Variants in TRRAP observed in about 807,000 individuals in gnomAD.
The protein encoded by TRRAP is transformation/transcription domain-associated protein.
Under a neutral mutation model 438.8 loss-of-function variants are expected in TRRAP, and 41 were observed. The ratio of observed to expected loss-of-function variants is 0.09; its 90% CI spans 0.07 to 0.12. The LOEUF is 0.12. Ranked by LOEUF, TRRAP falls within the 10% of genes least tolerant of loss-of-function variation. The pLI is 1.00. For missense variants in TRRAP, 3,122 were observed against 5,055.1 expected (o/e 0.62, Z 11.60); for synonymous variants, 1,994 against 1,962.9 (o/e 1.02, Z -0.42).
chr7:98,965,473 C>A (rs1055747509), intron 48 of TRRAP, among the ~76,000 whole-genome samples: 1 of 152,132 alleles, frequency 6.6e-6, no homozygotes, highest in African/African-American at 2.4e-5. Context: ...GAGCCACCTG[C>A]ACTGGTCCGT....
In TRRAP at chr7:98,901,826, G is replaced by A. The variant is rs530329705; in HGVS notation, c.897+1106G>A. ...AGCCTCCCATGGTGCTGGGATTACC[G>A]GCATGAGCCAGGCCTAAAAACAGCG... is the stretch of plus-strand genomic sequence containing the variant. On this transcript the variant is annotated intron_variant, in intron 11 of 72. Coordinates refer to ENST00000456197, the MANE Select transcript of TRRAP (RefSeq NM_001375524.1). 8.5e-5 allele frequency among the ~76,000 whole-genome samples: 13 copies of A among 152,278 alleles called. No homozygotes were observed. The East Asian group carries it at 1.9e-3, about 23-fold the overall frequency.
chr7:99,009,991 G>A (rs1458897253), intron 70 of TRRAP, among the ~76,000 whole-genome samples: 1 of 148,494 alleles, frequency 6.7e-6, no homozygotes, highest in Non-Finnish European at 1.5e-5. Flanking sequence ...GGGTTCAAGC[G>A]ATTCTTCTGC....
At chr7:98,989,366 T>C (rs1255959020) in intron 63 of TRRAP, among the ~76,000 whole-genome samples, 1 of 152,214 alleles carries the variant, frequency 6.6e-6, no homozygotes, top group African/African-American at 2.4e-5. Flanking sequence ...GGTTGTGGGT[T>C]TCTCTCTGCA....
chr7:98,925,080 C>T (rs1789987770), intron 21 of TRRAP, 32 bp from the exon 22 acceptor site: 2 of 1,582,566 alleles, frequency 1.3e-6, no homozygotes, highest in African/African-American at 1.4e-5. Context: ...AATTTCAGCA[C>T]AAACTGTAGT....
At chr7:98,890,781 CT>C (rs71118642) in intron 4 of TRRAP, among the ~76,000 whole-genome samples, 995 of 53,106 alleles carry the variant, frequency 0.019, 5 homozygotes, top group Non-Finnish European at 0.032. Flanking sequence ...AATGTCAGTT[CT>C]TTTTTTTTTT....
intron 63 of TRRAP, among the ~76,000 whole-genome samples, chr7:98,989,927 C>A (rs1793316155): frequency 6.6e-6 from 1 of 152,168 alleles, no homozygotes; most frequent in South Asian, 2.1e-4. Flanking sequence ...GAGTAATTGT[C>A]ATTAAAACTA....
At chr7:98,998,200 GT>G (rs1269661219) in intron 67 of TRRAP, among the ~76,000 whole-genome samples, 1 of 152,192 alleles carries the variant, frequency 6.6e-6, no homozygotes, top group Admixed American at 6.5e-5. Flanking sequence ...AGGGCTCTAA[GT>G]TTAACTCTTG....
intron 20 of TRRAP, 75 bp from the exon 21 acceptor site, chr7:98,921,678 C>T: frequency 6.3e-7 from 1 of 1,592,136 alleles, no homozygotes; most frequent in South Asian, 1.1e-5. Flanking sequence ...GCCTGGCCTC[C>T]CTTTTGAGTT....
intron 16 of TRRAP, 31 bp downstream of exon 16, chr7:98,910,638 C>T (rs782598510): frequency 3.8e-6 from 6 of 1,574,936 alleles, no homozygotes; most frequent in African/African-American, 2.7e-5. Context: ...CAGGCTTTCG[C>T]ATATGGAAAG....
Position 98,981,862 on chromosome 7 carries a change from T to C in TRRAP, c.8728T>C (p.Phe2910Leu). The change falls in exon 59 of 73, where the codon TTC (phenylalanine) becomes CTC (leucine). Residue 2910 changes from phenylalanine to leucine, a missense_variant. Transcript: ENST00000456197. ...CCACCCCGAGGAGCAGCAGCTCAGC[T>C]TCATCGAGCGCCTGGTGGAGATGGC... is the stretch of plus-strand genomic sequence containing the variant. Reference protein sequence around the residue: ...ICHPEEQQLSFIERLVEMASS... With the variant: ...ICHPEEQQLSLIERLVEMASS... 6.2e-7 allele frequency: 1 copy of C among 1,608,712 alleles called. No individual in the cohort carries two copies. Among genetic ancestry groups the C allele is most frequent in the Non-Finnish European group, 8.5e-7 (1 of 1,178,312 alleles).
At chr7:98,995,946 C>T (rs1793636527) in intron 67 of TRRAP, among the ~76,000 whole-genome samples, 1 of 150,246 alleles carries the variant, frequency 6.7e-6, no homozygotes, top group Non-Finnish European at 1.5e-5. Flanking sequence ...CCTCACACTC[C>T]CGTCCCATCC....
intron 48 of TRRAP, 112 bp downstream of exon 48, chr7:98,964,887 G>A: frequency 7.6e-7 from 1 of 1,323,652 alleles, no homozygotes; most frequent in South Asian, 1.8e-5. Context: ...ACCAAGTCCT[G>A]TTGTTTGGTC....
chr7:98,937,501 C>T (rs548314790), intron 29 of TRRAP, 149 bp from the exon 30 acceptor site: 5 of 1,088,678 alleles, frequency 4.6e-6, no homozygotes, highest in African/African-American at 3.2e-5. Context: ...TCCATCATTT[C>T]GTCATAAATT....
In TRRAP at chr7:98,956,320, T is replaced by C; in HGVS notation, c.6096+16T>C. 1 of 1,614,076 alleles carries C rather than the reference T, an allele frequency of 6.2e-7. No homozygotes were observed. On this transcript the variant is annotated intron_variant, in intron 42 of 72. Coordinates refer to ENST00000456197, the MANE Select transcript of TRRAP (RefSeq NM_001375524.1). The surrounding 1 kb of genome is among the most constrained non-coding windows in gnomAD (Gnocchi z 4.5). ...GGACCAGCAGGTAGGGGTGTCAGCC[T>C]CAGGGGTGCCCCGATCGTCTTCCTT...
chr7:98,936,803 G>A (rs1408964741), intron 28 of TRRAP, among the ~76,000 whole-genome samples: 2 of 152,214 alleles, frequency 1.3e-5, no homozygotes, highest in African/African-American at 4.8e-5. Flanking sequence ...TTTCTGGCAG[G>A]CTGGACTTCA....
chr7:99,007,836 T>C (rs1480312228), intron 69 of TRRAP, among the ~76,000 whole-genome samples: 1 of 150,894 alleles, frequency 6.6e-6, no homozygotes, highest in East Asian at 2.0e-4. Context: ...TTTTTTTTTT[T>C]TTTTCTTTGA....
chr7:98,926,747 G>A (rs1790063601), intron 22 of TRRAP, among the ~76,000 whole-genome samples: 1 of 151,422 alleles, frequency 6.6e-6, no homozygotes, highest in African/African-American at 2.4e-5. Flanking sequence ...AAAACGTGCT[G>A]TAATCCCAGC....
intron 31 of TRRAP, among the ~76,000 whole-genome samples, chr7:98,943,703 A>G (rs1254352706): frequency 6.6e-6 from 1 of 152,116 alleles, no homozygotes; most frequent in Non-Finnish European, 1.5e-5. Flanking sequence ...ATCTAATATT[A>G]TTTGTATATG....
Position 98,930,161 on chromosome 7 carries a change from T to G in TRRAP, c.3348T>G (p.Ala1116=), listed in dbSNP as rs1554412508. The G allele has an allele frequency of 6.2e-7, 1 of 1,614,080 alleles. No individual in the cohort carries two copies. Among genetic ancestry groups the G allele is most frequent in the South Asian group, 1.1e-5 (1 of 91,088 alleles). The part of the protein sequence containing the change: ...ELCKIGEVAL[A]VIFDVASIIL... Reference sequence around the variant, plus strand: ...GCAAAATCGGGGAGGTGGCCCTAGCTGTGATATTTGATGTTGCAAGTATCA... The same window carrying G: ...GCAAAATCGGGGAGGTGGCCCTAGCGGTGATATTTGATGTTGCAAGTATCA... The change falls in exon 24 of 73, where the codon GCT becomes GCG. Residue 1116 remains alanine, a synonymous_variant. Coordinates refer to ENST00000456197, the MANE Select transcript of TRRAP (RefSeq NM_001375524.1).
Sources: gnomAD v4.1 joint callset for allele counts (sites outside exome capture counted in the v4.1 genomes callset) on GRCh38, gnomAD v4.1.1 for gene constraint, Gnocchi (gnomAD v3.1) non-coding constraint, MANE v1.5 for transcripts, NCBI Gene and HGNC (gene_info 2026-07-23, HGNC 2026-07-21) for gene names.